SLC36A1: variants seen among roughly 807,000 people sequenced by gnomAD.
SLC36A1 encodes the protein proton-coupled amino acid transporter 1.
In SLC36A1, 30 loss-of-function variants were observed where a neutral mutation model predicts 47.5. The ratio of observed to expected loss-of-function variants is 0.63; its 90% CI spans 0.47 to 0.86. The LOEUF is 0.86. SLC36A1 is among the 40% of genes least tolerant of loss of function. The pLI is 0.00. For synonymous variants in SLC36A1, 255 were observed against 249.7 expected (o/e 1.02, Z -0.20); for missense variants, 517 against 606.0 (o/e 0.85, Z 1.54).
chr5:151,526,664 A>G, the SLC36A1 span, among the ~76,000 whole-genome samples: 129 of 152,326 alleles, frequency 8.5e-4, 3 homozygotes, highest in Non-Finnish European at 1.4e-3. Context: ...ATTTTTAGTC[A>G]GGTAACTTAT....
chr5:151,375,119 A>G, the SLC36A1 span, among the ~76,000 whole-genome samples: 2 of 152,150 alleles, frequency 1.3e-5, no homozygotes, highest in Non-Finnish European at 2.9e-5. Context: ...GGTCTTAGTC[A>G]TGAATTCTTC....
At chr5:151,486,250 C>T (rs190123052) in intron 10 of SLC36A1, among the ~76,000 whole-genome samples, 44 of 152,240 alleles carry the variant, frequency 2.9e-4, no homozygotes, top group Non-Finnish European at 5.4e-4. Flanking sequence ...TAAACAACAG[C>T]TCTCTCAGGG....
chr5:151,488,326 A>G lies in SLC36A1; in HGVS notation c.*72A>G. ...CCCCGTTACCTGTCCTCAGAGCCTCAGGTATGGTCCAGGCTCTGAGGAAAG... is the reference window on the plus strand; with the variant it reads ...CCCCGTTACCTGTCCTCAGAGCCTCGGGTATGGTCCAGGCTCTGAGGAAAG... On this transcript the variant is annotated 3_prime_UTR_variant, in exon 11 of 11. Transcript: ENST00000243389. The G allele has an allele frequency of 1.3e-6, 2 of 1,553,476 alleles. No individual in the cohort carries two copies. Among genetic ancestry groups the G allele is most frequent in the South Asian group, 1.2e-5 (1 of 81,788 alleles).
the SLC36A1 span, chr5:151,510,799 G>A: frequency 6.6e-6 from 1 of 152,514 alleles, no homozygotes; most frequent in African/African-American, 2.4e-5. Context: ...CAAGAAGCTA[G>A]AGGGCAAAGA....
the SLC36A1 span, chr5:151,550,542 C>T: frequency 6.3e-7 from 1 of 1,593,878 alleles, no homozygotes; most frequent in South Asian, 1.1e-5. Context: ...TCCACCCCTA[C>T]ACATCTACAT....
upstream of SLC36A1, among the ~76,000 whole-genome samples, chr5:151,442,809 C>T (rs923321227): frequency 6.6e-6 from 1 of 152,060 alleles, no homozygotes; most frequent in Non-Finnish European, 1.5e-5. Flanking sequence ...TCCAGCACTC[C>T]TGGGCCCTGG....
At chr5:151,441,218 T>C (rs1002521618) in intron 1 of SLC36A1, among the ~76,000 whole-genome samples, 8 of 152,174 alleles carry the variant, frequency 5.3e-5, no homozygotes, top group African/African-American at 1.9e-4. Context: ...GGAGATCACT[T>C]GAGCCCAGGA....
At chr5:151,376,323 T>C in the SLC36A1 span, among the ~76,000 whole-genome samples, 1 of 152,238 alleles carries the variant, frequency 6.6e-6, no homozygotes, top group Non-Finnish European at 1.5e-5. Context: ...CAATAAATAG[T>C]CTAGCTAGAA....
chr5:151,499,832 A>G, the SLC36A1 span, among the ~76,000 whole-genome samples: 4 of 151,674 alleles, frequency 2.6e-5, no homozygotes, highest in South Asian at 8.3e-4. Flanking sequence ...GGCAAATCCC[A>G]GCTGCGTTTC....
At chr5:151,479,847 G>A (rs1345351323) in intron 10 of SLC36A1, 9 of 530,968 alleles carry the variant, frequency 1.7e-5, no homozygotes, top group Non-Finnish European at 2.9e-5. Context: ...AAGTTACTCT[G>A]ATGAAGGGTA....
the SLC36A1 span, among the ~76,000 whole-genome samples, chr5:151,358,289 G>T: frequency 6.7e-6 from 1 of 150,102 alleles, no homozygotes. Flanking sequence ...TTTTTTTGTT[G>T]TTGAGACAGG....
chr5:151,357,214 A>G, the SLC36A1 span, among the ~76,000 whole-genome samples: 1 of 152,192 alleles, frequency 6.6e-6, no homozygotes, highest in Non-Finnish European at 1.5e-5. Context: ...CACAGCCGGA[A>G]CCTCACTTAA....
the SLC36A1 span, chr5:151,412,861 A>T: frequency 6.9e-6 from 1 of 144,110 alleles, no homozygotes; most frequent in African/African-American, 2.5e-5. Flanking sequence ...CAGCATCTGG[A>T]GATTTTCTCA....
the SLC36A1 span, chr5:151,534,730 C>T: frequency 8.8e-7 from 1 of 1,130,706 alleles, no homozygotes; most frequent in Non-Finnish European, 1.3e-6. Flanking sequence ...GAGACAAACC[C>T]AGCCACACAG....
At chr5:151,461,535 A>C (rs1285535848) in intron 2 of SLC36A1, among the ~76,000 whole-genome samples, 1 of 152,186 alleles carries the variant, frequency 6.6e-6, no homozygotes, top group African/African-American at 2.4e-5. Context: ...TGGTCTGCAC[A>C]CTTTGTGGGC....
At chr5:151,506,704 C>T in the SLC36A1 span, among the ~76,000 whole-genome samples, 158 of 152,338 alleles carry the variant, frequency 1.0e-3, no homozygotes, top group Admixed American at 2.0e-3. Context: ...TTTACTAATG[C>T]ACCCCCTTTT....
At chr5:151,554,391 A>G in the SLC36A1 span, 2 of 1,614,106 alleles carry the variant, frequency 1.2e-6, no homozygotes, top group Non-Finnish European at 8.5e-7. Context: ...CCAGCTGTAA[A>G]AGTGCTGCTG....
the SLC36A1 span, chr5:151,507,638 C>T: frequency 1.2e-5 from 19 of 1,565,816 alleles, no homozygotes; most frequent in Non-Finnish European, 1.6e-5. Flanking sequence ...GTCAGGGGGC[C>T]AAGTCATGAA....
At chr5:151,378,184 GT>G in the SLC36A1 span, 1 of 274,458 alleles carries the variant, frequency 3.6e-6, no homozygotes, top group Non-Finnish European at 7.4e-6. Context: ...TTATTTATAG[GT>G]TTTTAATCTT....
Sources: gnomAD v4.1 joint callset for allele counts (sites outside exome capture counted in the v4.1 genomes callset) on GRCh38, gnomAD v4.1.1 for gene constraint, MANE v1.5 for transcripts, NCBI Gene and HGNC (gene_info 2026-07-23, HGNC 2026-07-21) for gene names.